SEMA6A: variants seen among roughly 807,000 people sequenced by gnomAD.
SEMA6A encodes semaphorin-6A.
SEMA6A carries 25 observed loss-of-function variants against 96.8 expected under a neutral mutation model. That is an observed-to-expected ratio of 0.26 (90% CI 0.19 to 0.36). The LOEUF (loss-of-function observed/expected upper bound fraction) is 0.36, where lower values mean the gene tolerates loss of function less well. Among genes scored for constraint, SEMA6A ranks in the 10% least tolerant of loss-of-function variants. SEMA6A has a pLI of 1.00. For synonymous variants in SEMA6A, 612 were observed against 518.0 expected (o/e 1.18, Z -2.46); for missense variants, 1,363 against 1,323.1 (o/e 1.03, Z -0.47).
At chr5:116,489,941 C>G (rs1757252252) in intron 7 of SEMA6A, among the ~76,000 whole-genome samples, 1 of 152,162 alleles carries the variant, frequency 6.6e-6, no homozygotes, top group Admixed American at 6.5e-5. Flanking sequence ...CCGTGATTCA[C>G]TTTTAGTGGA....
intron 7 of SEMA6A, among the ~76,000 whole-genome samples, 157 bp from the exon 8 acceptor site, chr5:116,489,164 A>T (rs2112724351): frequency 6.6e-6 from 1 of 152,324 alleles, no homozygotes; most frequent in Non-Finnish European, 1.5e-5. Context: ...CTTGGCCCAC[A>T]TTCCTAACCA....
At chr5:116,537,714 T>C (rs1027650502) in intron 1 of SEMA6A, among the ~76,000 whole-genome samples, 1 of 152,180 alleles carries the variant, frequency 6.6e-6, no homozygotes, top group Non-Finnish European at 1.5e-5. Flanking sequence ...AGGTGGTATT[T>C]TCATCTTCTC....
intron 1 of SEMA6A, chr5:116,536,176 C>T (rs1759696523): frequency 6.6e-6 from 1 of 152,104 alleles, no homozygotes; most frequent in South Asian, 2.1e-4. Flanking sequence ...TATTAACCGC[C>T]CACCGCCACC....
At chr5:116,496,794 CATAG>C (rs1474997651) in intron 4 of SEMA6A, among the ~76,000 whole-genome samples, 1 of 152,154 alleles carries the variant, frequency 6.6e-6, no homozygotes, top group Non-Finnish European at 1.5e-5. Context: ...TACTCCTTCA[CATAG>C]ATTAATGGAC....
chr5:116,519,246 C>A (rs911798496), intron 1 of SEMA6A, among the ~76,000 whole-genome samples: 1 of 152,142 alleles, frequency 6.6e-6, no homozygotes, highest in Non-Finnish European at 1.5e-5. Flanking sequence ...CATTCTCACA[C>A]AAAAGGTACA....
chr5:116,467,754 T>G lies in SEMA6A; in HGVS notation c.1730-7A>C. 1 of 1,613,440 alleles carries G rather than the reference T, an allele frequency of 6.2e-7. No individual in the cohort carries two copies. The highest frequency in any genetic ancestry group is 2.2e-5 in the East Asian group (1 of 44,834). ...AAGAGGGAACTGGAATGCCCTGTTTTCATCACAAATACAGTTAGGAAAACA... is the reference window on the plus strand; with the variant it reads ...AAGAGGGAACTGGAATGCCCTGTTTGCATCACAAATACAGTTAGGAAAACA... On this transcript the variant is annotated splice_region_variant and splice_polypyrimidine_tract_variant and intron_variant, in intron 17 of 18. Transcript: ENST00000343348.
At chr5:116,517,050 A>C (rs1323235256) in intron 1 of SEMA6A, among the ~76,000 whole-genome samples, 1 of 152,206 alleles carries the variant, frequency 6.6e-6, no homozygotes, top group Non-Finnish European at 1.5e-5. Flanking sequence ...GTATAGGTAC[A>C]CAATTTCTTA....
chr5:116,571,579 A>G (rs977635681), intron 1 of SEMA6A, among the ~76,000 whole-genome samples: 2 of 152,094 alleles, frequency 1.3e-5, no homozygotes, highest in Non-Finnish European at 2.9e-5. Flanking sequence ...AACCAAAATA[A>G]TAACAGGGAG....
intron 1 of SEMA6A, among the ~76,000 whole-genome samples, chr5:116,558,242 C>T (rs989253259): frequency 6.6e-6 from 1 of 152,142 alleles, no homozygotes; most frequent in African/African-American, 2.4e-5. Context: ...AGAAACCCCA[C>T]AAAGAAAAAT....
intron 3 of SEMA6A, among the ~76,000 whole-genome samples, chr5:116,497,934 C>G (rs1757682725): frequency 6.6e-6 from 1 of 152,160 alleles, no homozygotes; most frequent in African/African-American, 2.4e-5. Flanking sequence ...ACTCTTTTCC[C>G]TCATAATGAT....
Position 116,480,103 on chromosome 5 carries a change from C to G in SEMA6A, c.1250+19G>C, listed in dbSNP as rs199847944. The G allele has an allele frequency of 1.2e-6, 2 of 1,612,720 alleles. No individual in the cohort carries two copies. Among genetic ancestry groups the G allele is most frequent in the East Asian group, 2.2e-5 (1 of 44,858 alleles). ...TGAAGTTAGGAAATCCATCAGGACACGGTTTGTTTGACACCCACCTGACCA... is the reference window on the plus strand; with the variant it reads ...TGAAGTTAGGAAATCCATCAGGACAGGGTTTGTTTGACACCCACCTGACCA... On this transcript the variant is annotated intron_variant, in intron 12 of 18. Transcript: ENST00000343348.
intron 6 of SEMA6A, among the ~76,000 whole-genome samples, chr5:116,495,051 A>AC (rs911183261): frequency 4.6e-5 from 7 of 152,130 alleles, no homozygotes; most frequent in Non-Finnish European, 1.0e-4. Context: ...GAAATCACTC[A>AC]CCATATAAGT....
In SEMA6A at chr5:116,532,905, T is replaced by G. The variant is rs1759547173; in HGVS notation, c.-38-27923A>C. On this transcript the variant is annotated intron_variant, in intron 1 of 18. Coordinates refer to ENST00000343348, the MANE Select transcript of SEMA6A (RefSeq NM_020796.5). ...ACTTAGCCAATTGTTAAGGTATCAT[T>G]AACAGGGACACAGACAGAGATGACA... 2.0e-5 allele frequency among the ~76,000 whole-genome samples: 3 copies of G among 152,310 alleles called. No individual in the cohort carries two copies. The South Asian group carries it at 6.2e-4, about 32-fold the overall frequency.
At position 116,446,476 on chromosome 5, in the gene SEMA6A, A is replaced by T; in HGVS notation, c.*137T>A. ...TCGTGAGTACCCCTGTGTCCCAGAG[A>T]GGAGGACCCAGCGTCCTCGGCTCTG... is the stretch of plus-strand genomic sequence containing the variant. On this transcript the variant is annotated 3_prime_UTR_variant, in exon 19 of 19. Transcript: ENST00000343348. The T allele has an allele frequency of 1.4e-6, 1 of 714,416 alleles. No individual in the cohort carries two copies. The highest frequency in any genetic ancestry group is 2.2e-6 in the Non-Finnish European group (1 of 459,540). 44.3% of individuals were successfully genotyped at this position (714,416 alleles called of 1,614,324 possible).
At chr5:116,479,933 T>C (rs1454778419) in intron 12 of SEMA6A, among the ~76,000 whole-genome samples, 189 bp downstream of exon 12, 1 of 152,206 alleles carries the variant, frequency 6.6e-6, no homozygotes, top group Admixed American at 6.5e-5. Context: ...ATATTGGAAC[T>C]CTTCTCCCTG....
intron 1 of SEMA6A, among the ~76,000 whole-genome samples, chr5:116,561,182 G>A (rs1417865477): frequency 6.6e-6 from 1 of 152,100 alleles, no homozygotes; most frequent in Non-Finnish European, 1.5e-5. Flanking sequence ...AACCTAGAGG[G>A]TTGTGATAAG....
At chr5:116,557,514 G>C (rs1760654022) in intron 1 of SEMA6A, among the ~76,000 whole-genome samples, 1 of 152,200 alleles carries the variant, frequency 6.6e-6, no homozygotes, top group African/African-American at 2.4e-5. Context: ...TTAAACTAAA[G>C]AAGTTCTTAT....
At chr5:116,498,750 G>C (rs1757734954) in intron 3 of SEMA6A, 1 of 152,146 alleles carries the variant, frequency 6.6e-6, no homozygotes, top group Non-Finnish European at 1.5e-5. Flanking sequence ...TTTATTGGTG[G>C]TGCTGTGGTC....
At chr5:116,548,535 T>C (rs1003693531) in intron 1 of SEMA6A, among the ~76,000 whole-genome samples, 1 of 152,220 alleles carries the variant, frequency 6.6e-6, no homozygotes, top group African/African-American at 2.4e-5. Context: ...ATAAATATAA[T>C]GCTGCATACC....
Sources: allele counts gnomAD v4.1 joint callset (sites outside exome capture counted in the v4.1 genomes callset), GRCh38; gene constraint gnomAD v4.1.1; transcripts MANE v1.5; gene names NCBI Gene and HGNC (gene_info 2026-07-23, HGNC 2026-07-21).